Variants in GRID1 observed in about 807,000 individuals in gnomAD.
GRID1 encodes the protein glutamate ionotropic receptor delta type subunit 1, also known as glutamate receptor ionotropic, delta-1.
GRID1 carries 28 observed loss-of-function variants against 98.0 expected under a neutral mutation model. That is an observed-to-expected ratio of 0.29 (90% confidence interval 0.21 to 0.39). The LOEUF is 0.39. GRID1 is among the 10% of genes least tolerant of loss of function. The pLI is 1.00. For synonymous variants in GRID1, 553 were observed against 538.5 expected, an observed-to-expected ratio of 1.03 and a Z score of -0.37; for missense variants, 1,111 against 1,340.5, an observed-to-expected ratio of 0.83 and a Z score of 2.67.
At position 85,599,802 on chromosome 10, in the gene GRID1, A is replaced by AAAAAAAAAAAAAAATAT; in HGVS notation, c.*2470_*2471insATATTTTTTTTTTTTTT. 6 of 64,972 alleles carry AAAAAAAAAAAAAAATAT rather than the reference A, an allele frequency of 9.2e-5. No homozygotes were observed. The highest frequency in any genetic ancestry group is 4.8e-4 in the South Asian group (1 of 2,070). 4.0% of individuals were successfully genotyped at this position (64,972 alleles called of 1,614,324 possible). A position where few individuals can be genotyped will look rare whatever the true frequency, so the allele number is the denominator to read the frequency against. ...GTAGAAAATTCTAAAAAAAAAAAAAAATATATATATATATATATAAACATG... is the reference window on the plus strand; with the variant it reads ...GTAGAAAATTCTAAAAAAAAAAAAAAAAAAAAAAAAAAAATATATATATATATATATATATAAACATG... On this transcript the variant is annotated 3_prime_UTR_variant, in exon 16 of 16. Coordinates refer to ENST00000327946, the MANE Select transcript of GRID1 (RefSeq NM_017551.3).
chr10:86,133,222 T>C (rs1487031286), intron 4 of GRID1, among the ~76,000 whole-genome samples: 3 of 151,452 alleles, frequency 2.0e-5, no homozygotes, highest in African/African-American at 4.9e-5. Flanking sequence ...TGTGTTTGTG[T>C]GTGTGTCAGT....
rs555107782 is a variant in GRID1, at chr10:85,783,201, CTG to C, written c.1234-53589_1234-53588del. On this transcript the variant is annotated intron_variant, in intron 8 of 15. Transcript: ENST00000327946. ...TCCCGGGGGATCATATATCCAGACTCTGTGAAGCAAAGTGGACAACAGCATCG... is the reference window on the plus strand; with the variant it reads ...TCCCGGGGGATCATATATCCAGACTCTGAAGCAAAGTGGACAACAGCATCG... 5.4e-3 allele frequency among the ~76,000 whole-genome samples: 830 copies of C among 152,302 alleles called. 10 individuals are homozygous for C. The highest frequency in any genetic ancestry group is 0.018 in the African/African-American group (753 of 41,564).
intron 8 of GRID1, among the ~76,000 whole-genome samples, chr10:85,764,510 C>A (rs1842178400): frequency 6.6e-6 from 1 of 152,206 alleles, no homozygotes; most frequent in Non-Finnish European, 1.5e-5. Context: ...GGAAAGTCAG[C>A]CACCTGGGCT....
rs777954508 is a variant in GRID1 at position 85,959,375 on chromosome 10, C to G, written c.727-43136G>C. 8.5e-5 allele frequency among the ~76,000 whole-genome samples: 13 copies of G among 152,344 alleles called. No homozygotes were observed. In the East Asian group the frequency reaches 1.9e-3, roughly 23 times the overall value. Reference sequence around the variant, plus strand: ...GGAACAAGACGAGGTGCAGCAGGGTCTCCAGAGTGTTGCACCAGTGCCTTG... The same window carrying G: ...GGAACAAGACGAGGTGCAGCAGGGTGTCCAGAGTGTTGCACCAGTGCCTTG... On this transcript the variant is annotated intron_variant, in intron 4 of 15. Transcript: ENST00000327946.
At chr10:86,317,621 C>T (rs944500855) in intron 2 of GRID1, among the ~76,000 whole-genome samples, 1 of 152,118 alleles carries the variant, frequency 6.6e-6, no homozygotes, top group African/African-American at 2.4e-5. Context: ...ACCCTACACT[C>T]GATTCTCTCA....
chr10:85,912,765 G>A (rs575675214), intron 5 of GRID1, among the ~76,000 whole-genome samples: 1 of 152,292 alleles, frequency 6.6e-6, no homozygotes, highest in African/African-American at 2.4e-5. Context: ...GGAGCATGTT[G>A]GAAAGTGAGC....
intron 2 of GRID1, among the ~76,000 whole-genome samples, chr10:86,336,969 C>T (rs1241541034): frequency 6.6e-6 from 1 of 151,862 alleles, no homozygotes; most frequent in African/African-American, 2.4e-5. Flanking sequence ...CTCAGCCTCC[C>T]GAGTAGCTGG....
chr10:85,717,322 A>AC lies in GRID1; in HGVS notation c.1997+5680_1997+5681insG, dbSNP rs1590202681. Among the ~76,000 whole-genome samples the AC allele has an allele frequency of 7.4e-5, 11 of 147,896 alleles. No individual in the cohort carries two copies. The South Asian group carries it at 2.3e-3, about 31-fold the overall frequency. ...AAAGACATACCTGAAACTGGGAACA[A>AC]AAAAAAAAAAGGTTTAATTGGACTT... On this transcript the variant is annotated intron_variant, in intron 12 of 15. Transcript: ENST00000327946.
At chr10:85,800,947 C>T (rs1396136079) in intron 8 of GRID1, among the ~76,000 whole-genome samples, 1 of 151,780 alleles carries the variant, frequency 6.6e-6, no homozygotes, top group Non-Finnish European at 1.5e-5. Flanking sequence ...AATAGAAAGA[C>T]TCCAATATAC....
At chr10:86,162,487 AG>A (rs1227905850) in intron 3 of GRID1, among the ~76,000 whole-genome samples, 6 of 152,222 alleles carry the variant, frequency 3.9e-5, no homozygotes, top group African/African-American at 1.4e-4. Context: ...CCTAAAAGCA[AG>A]GGGCAGCCAA....
intron 12 of GRID1, among the ~76,000 whole-genome samples, chr10:85,700,579 A>G (rs143864053): frequency 6.6e-6 from 1 of 152,186 alleles, no homozygotes; most frequent in Non-Finnish European, 1.5e-5. Flanking sequence ...GTTCAACCTC[A>G]TGCCAATGCT....
chr10:86,002,816 T>C (rs753095198), intron 4 of GRID1, among the ~76,000 whole-genome samples: 1 of 152,250 alleles, frequency 6.6e-6, no homozygotes, highest in Non-Finnish European at 1.5e-5. Context: ...GGTTTGTTTA[T>C]TCCATCAGTA....
intron 8 of GRID1, among the ~76,000 whole-genome samples, chr10:85,785,746 T>C (rs1842421992): frequency 6.6e-6 from 1 of 152,006 alleles, no homozygotes; most frequent in Non-Finnish European, 1.5e-5. Flanking sequence ...CACAGCCATC[T>C]CCACCCCCAG....
At chr10:86,143,865 G>A (rs1276054308) in intron 3 of GRID1, among the ~76,000 whole-genome samples, 1 of 152,232 alleles carries the variant, frequency 6.6e-6, no homozygotes, top group Non-Finnish European at 1.5e-5. Context: ...GTCCACTCCT[G>A]CAAGGAATGC....
chr10:86,094,360 G>T (rs1337211210), intron 4 of GRID1, among the ~76,000 whole-genome samples: 1 of 152,162 alleles, frequency 6.6e-6, no homozygotes, highest in African/African-American at 2.4e-5. Context: ...AATCAGACAA[G>T]AGAAAGAAAT....
At chr10:85,959,014 C>A (rs1022601553) in intron 4 of GRID1, among the ~76,000 whole-genome samples, 6 of 151,720 alleles carry the variant, frequency 4.0e-5, no homozygotes, top group Admixed American at 2.6e-4. Context: ...GCTGAGGAAG[C>A]GGGAACTTTG....
intron 4 of GRID1, among the ~76,000 whole-genome samples, chr10:85,973,663 T>C (rs918233543): frequency 6.6e-5 from 10 of 152,338 alleles, no homozygotes; most frequent in Non-Finnish European, 1.3e-4. Flanking sequence ...TTTCTAATCA[T>C]TTTGTAAAAA....
intron 12 of GRID1, among the ~76,000 whole-genome samples, chr10:85,701,344 T>C (rs1393360335): frequency 6.6e-6 from 1 of 151,770 alleles, no homozygotes; most frequent in Non-Finnish European, 1.5e-5. Flanking sequence ...TGAACAATAG[T>C]AATTTGTCAG....
rs71487248 is a variant in GRID1 at position 86,341,398 on chromosome 10, T to TA, written c.235+22542dup. Among the ~76,000 whole-genome samples the TA allele has an allele frequency of 4.7e-3, 708 of 152,220 alleles. 2 individuals are homozygous for TA. Among genetic ancestry groups the TA allele is most frequent in the Non-Finnish European group, 7.1e-3 (485 of 68,016 alleles). ...AGGCCCTGGTGGGACCCTGGGTACT[T>TA]ACGCGGGTGCCCCTCCCTCACACGT... On this transcript the variant is annotated intron_variant, in intron 2 of 15. Transcript: ENST00000327946.
Sources: gnomAD v4.1 joint callset for allele counts (sites outside exome capture counted in the v4.1 genomes callset) on GRCh38, gnomAD v4.1.1 for gene constraint, MANE v1.5 for transcripts, NCBI Gene and HGNC (gene_info 2026-07-23, HGNC 2026-07-21) for gene names.